The following ADAMTS17 variants were observed in gnomAD, a reference collection of about 807,000 sequenced individuals.
ADAMTS17 encodes A disintegrin and metalloproteinase with thrombospondin motifs 17.
In ADAMTS17, 113 loss-of-function variants were observed where a neutral mutation model predicts 141.5. The observed-to-expected ratio is 0.80, with a 90% CI of 0.69 to 0.93. ADAMTS17 has a LOEUF of 0.93. Ranked by LOEUF, ADAMTS17 falls within the 40% of genes least tolerant of loss-of-function variation. The pLI is 0.00. For missense variants in ADAMTS17, 1,659 were observed against 1,517.9 expected (o/e 1.09, Z -1.54); for synonymous variants, 768 against 630.6 (o/e 1.22, Z -3.27).
At chr15:100,222,344 T>G (rs1170809407) in intron 7 of ADAMTS17, among the ~76,000 whole-genome samples, 1 of 152,182 alleles carries the variant, frequency 6.6e-6, no homozygotes, top group Non-Finnish European at 1.5e-5. Context: ...CAGATGCTCC[T>G]GCCAGCCCAC....
chr15:99,977,401 ATTTTTTTTTTT>A (rs71151928), intron 20 of ADAMTS17, among the ~76,000 whole-genome samples: 20 of 5,148 alleles, frequency 3.9e-3, no homozygotes, highest in Non-Finnish European at 6.5e-3. Flanking sequence ...TATATATATA[ATTTTTTTTTTT>A]TTTTTTTTTT....
At chr15:100,142,480 G>A (rs2038704823) in intron 10 of ADAMTS17, among the ~76,000 whole-genome samples, 2 of 152,226 alleles carry the variant, frequency 1.3e-5, no homozygotes, top group Admixed American at 6.5e-5. Context: ...TCTGGCTCCA[G>A]GCGACAAGGA....
rs1567632372 is a variant in ADAMTS17 at position 99,977,383 on chromosome 15, TATATATATATATATATA to T, written c.2950-1178_2950-1162del. ...ATATATATATATATATATATATATATATATATATATATATATAATTTTTTTTTTTTTTTTTTTTTTTT... is the reference window on the plus strand; with the variant it reads ...ATATATATATATATATATATATATATATTTTTTTTTTTTTTTTTTTTTTTT... On this transcript the variant is annotated intron_variant, in intron 20 of 21. Coordinates refer to ENST00000268070, the MANE Select transcript of ADAMTS17 (RefSeq NM_139057.4). 1.5e-3 allele frequency among the ~76,000 whole-genome samples: 37 copies of T among 24,282 alleles called. 4 individuals are homozygous for T. Among genetic ancestry groups the T allele is most frequent in the African/African-American group, 2.8e-3 (15 of 5,332 alleles). The allele number at this position is 24,282 out of a possible 152,430, so 15.9% of individuals were successfully genotyped here.
Position 100,341,429 on chromosome 15 carries a change from G to A in ADAMTS17, c.80-20C>T. On this transcript the variant is annotated intron_variant, in intron 1 of 21. Coordinates refer to ENST00000268070, the MANE Select transcript of ADAMTS17 (RefSeq NM_139057.4). ...CGACAGCTGCGGGGAGAGAGGAGAC[G>A]CGTCAGCGCGGCGGGGCCCGCCCGG... The A allele has an allele frequency of 9.9e-7, 1 of 1,013,732 alleles. No individual in the cohort carries two copies. The highest frequency in any genetic ancestry group is 1.2e-6 in the Non-Finnish European group (1 of 850,150). 62.8% of individuals were successfully genotyped at this position (1,013,732 alleles called of 1,614,324 possible).
At chr15:100,093,796 C>T (rs2035606953) in intron 15 of ADAMTS17, among the ~76,000 whole-genome samples, 1 of 152,210 alleles carries the variant, frequency 6.6e-6, no homozygotes, top group East Asian at 1.9e-4. Flanking sequence ...TCCCCTCCCT[C>T]GACTGTACCT....
At chr15:100,176,330 A>G (rs1337715797) in intron 8 of ADAMTS17, among the ~76,000 whole-genome samples, 1 of 152,228 alleles carries the variant, frequency 6.6e-6, no homozygotes, top group East Asian at 1.9e-4. Context: ...TAAGGAGCAC[A>G]GGTTCTCAAA....
At chr15:100,229,724 A>G (rs1173746374) in intron 7 of ADAMTS17, among the ~76,000 whole-genome samples, 3 of 152,216 alleles carry the variant, frequency 2.0e-5, no homozygotes, top group Non-Finnish European at 4.4e-5. Context: ...ACACCCACAG[A>G]GCCTCAGGAG....
intron 8 of ADAMTS17, among the ~76,000 whole-genome samples, chr15:100,175,753 G>A (rs1254059021): frequency 6.6e-6 from 1 of 151,704 alleles, no homozygotes. Context: ...CCAGCTTGTG[G>A]TGACCTCATT....
At chr15:100,267,463 G>T (rs1036289731) in intron 4 of ADAMTS17, among the ~76,000 whole-genome samples, 1 of 152,170 alleles carries the variant, frequency 6.6e-6, no homozygotes, top group Admixed American at 6.5e-5. Flanking sequence ...ACCTCTTCCA[G>T]GCTCTGCTTT....
intron 4 of ADAMTS17, among the ~76,000 whole-genome samples, chr15:100,275,388 A>T (rs12909250): frequency 0.29 from 43,501 of 152,164 alleles, 6,331 homozygotes; most frequent in East Asian, 0.34. Flanking sequence ...CCAATTCTGC[A>T]GGAAGAGGAT....
chr15:100,158,505 G>A (rs2039541212), intron 8 of ADAMTS17, among the ~76,000 whole-genome samples: 1 of 152,102 alleles, frequency 6.6e-6, no homozygotes, highest in Admixed American at 6.6e-5. Context: ...TTACAATACA[G>A]TATTGCGGAC....
chr15:100,283,565 T>C (rs4965303), intron 3 of ADAMTS17, among the ~76,000 whole-genome samples: 45,291 of 152,192 alleles, frequency 0.3, 8,097 homozygotes, highest in African/African-American at 0.5. Context: ...AAGTCAGTGT[T>C]GATAATCCAT....
intron 4 of ADAMTS17, among the ~76,000 whole-genome samples, chr15:100,264,910 A>G (rs2043656355): frequency 6.6e-6 from 1 of 152,246 alleles, no homozygotes; most frequent in Non-Finnish European, 1.5e-5. Context: ...TGCGAACCTA[A>G]GAATACCGAA....
At chr15:100,223,394 A>G (rs2042195059) in intron 7 of ADAMTS17, among the ~76,000 whole-genome samples, 1 of 152,164 alleles carries the variant, frequency 6.6e-6, no homozygotes, top group Admixed American at 6.5e-5. Flanking sequence ...TTGAGACCAG[A>G]TGCAGCCTGA....
chr15:100,123,945 C>T (rs750644250), intron 12 of ADAMTS17, among the ~76,000 whole-genome samples: 2 of 151,252 alleles, frequency 1.3e-5, no homozygotes, highest in Admixed American at 6.6e-5. Flanking sequence ...TACTATCAAT[C>T]GTTTCTAGTT....
At chr15:99,995,683 C>T (rs1049615882) in intron 19 of ADAMTS17, among the ~76,000 whole-genome samples, 1 of 152,230 alleles carries the variant, frequency 6.6e-6, no homozygotes, top group Non-Finnish European at 1.5e-5. Flanking sequence ...AAAACTCTCC[C>T]TTAAGAAACT....
intron 18 of ADAMTS17, among the ~76,000 whole-genome samples, chr15:100,004,617 CTTTTTTT>C (rs10591279): frequency 1.5e-4 from 18 of 116,232 alleles, no homozygotes; most frequent in East Asian, 9.5e-4. Context: ...TACTGTAATT[CTTTTTTT>C]TTTTTTTTTT....
At chr15:100,166,706 G>C (rs149186186) in intron 8 of ADAMTS17, among the ~76,000 whole-genome samples, 1 of 152,350 alleles carries the variant, frequency 6.6e-6, no homozygotes, top group East Asian at 1.9e-4. Flanking sequence ...CTAGCTGAGA[G>C]ATGAGGGGCA....
intron 6 of ADAMTS17, among the ~76,000 whole-genome samples, chr15:100,259,307 G>C (rs939703107): frequency 1.3e-5 from 2 of 152,146 alleles, no homozygotes; most frequent in Non-Finnish European, 2.9e-5. Context: ...TCCCTAAATC[G>C]AATCCACTCT....
Sources: allele counts gnomAD v4.1 joint callset (sites outside exome capture counted in the v4.1 genomes callset), GRCh38; gene constraint gnomAD v4.1.1; transcripts MANE v1.5; gene names NCBI Gene and HGNC (gene_info 2026-07-23, HGNC 2026-07-21).